The following INTS2 variants were observed in gnomAD, a reference collection of about 807,000 sequenced individuals.
INTS2 encodes the protein KIAA1287.
In INTS2, 57 loss-of-function variants were observed where a neutral mutation model predicts 139.6. The ratio of observed to expected loss-of-function variants is 0.41; its 90% CI spans 0.33 to 0.51. The LOEUF is 0.51. INTS2 is among the 20% of genes least tolerant of loss of function. The pLI, the probability that INTS2 is intolerant of heterozygous loss-of-function variation, is 0.28. For synonymous variants in INTS2, 473 were observed against 493.4 expected, an observed-to-expected ratio of 0.96 and a Z score of 0.55; for missense variants, 1,196 against 1,436.7, an observed-to-expected ratio of 0.83 and a Z score of 2.71.
chr17:61,884,256 C>T (rs1461555017), intron 16 of INTS2, among the ~76,000 whole-genome samples: 1 of 151,886 alleles, frequency 6.6e-6, no homozygotes, highest in East Asian at 1.9e-4. Flanking sequence ...TTTGGGAGGC[C>T]GAGGTGGGCA....
intron 5 of INTS2, among the ~76,000 whole-genome samples, chr17:61,916,206 G>A (rs1275710155): frequency 2.0e-5 from 3 of 152,102 alleles, no homozygotes; most frequent in East Asian, 1.9e-4. Flanking sequence ...AGGCTGAGGC[G>A]GGCAGACCAC....
rs1349446182 is a variant in INTS2 at position 61,878,106 on chromosome 17, C to T, written c.2255-18G>A. 4 of 1,464,134 alleles carry T rather than the reference C, an allele frequency of 2.7e-6. No individual in the cohort carries two copies. The highest frequency in any genetic ancestry group is 1.7e-5 in the Admixed American group (1 of 59,740). The allele number at this position is 1,464,134 out of a possible 1,614,324, so 90.7% of individuals were successfully genotyped here. On this transcript the variant is annotated intron_variant, in intron 17 of 24. Transcript: ENST00000251334. ...TGAAAATGCTAAAAAGAAAATTTAG[C>T]AATCATAACCTAAATTCTGTACAGT...
chr17:61,894,652 G>C (rs1264463442), intron 12 of INTS2, among the ~76,000 whole-genome samples: 2 of 152,112 alleles, frequency 1.3e-5, no homozygotes, highest in East Asian at 3.9e-4. Context: ...AGGAGTTCAA[G>C]ACCAGCCTGG....
At position 61,872,169 on chromosome 17, in the gene INTS2, G is replaced by A. The variant is rs924647305; in HGVS notation, c.2778+96C>T. The stretch of plus-strand genomic sequence containing the variant: ...AAGAAATGCACAATATGTCACCAAT[G>A]TACATGGAGCGCACAATGTGCCATC... On this transcript the variant is annotated intron_variant, in intron 20 of 24. Coordinates refer to ENST00000251334, the MANE Select transcript of INTS2 (RefSeq NM_001351695.2). The surrounding 1 kb of genome is among the most constrained non-coding windows in gnomAD (Gnocchi z 4.8). The A allele has an allele frequency of 1.5e-6, 1 of 650,630 alleles. No individual in the cohort carries two copies. The highest frequency in any genetic ancestry group is 1.8e-5 in the African/African-American group (1 of 56,086). The allele number at this position is 650,630 out of a possible 1,614,324, so 40.3% of individuals were successfully genotyped here.
chr17:61,869,445 A>C lies in INTS2; in HGVS notation c.3031-65T>G. 1 of 1,171,330 alleles carries C rather than the reference A, an allele frequency of 8.5e-7. No individual in the cohort carries two copies. Among genetic ancestry groups the C allele is most frequent in the Non-Finnish European group, 1.2e-6 (1 of 815,194 alleles). The allele number at this position is 1,171,330 out of a possible 1,614,324, so 72.6% of individuals were successfully genotyped here. A position where few individuals can be genotyped will look rare whatever the true frequency, so the allele number is the denominator to read the frequency against. ...TAACTATAAAAGTACAGATAAAAATACAAATGAAAGATTTCATTTCCTTTC... is the reference window on the plus strand; with the variant it reads ...TAACTATAAAAGTACAGATAAAAATCCAAATGAAAGATTTCATTTCCTTTC... On this transcript the variant is annotated intron_variant, in intron 21 of 24. Coordinates refer to ENST00000251334, the MANE Select transcript of INTS2 (RefSeq NM_001351695.2). This position sits in a 1 kb window ranked among gnomAD's most constrained non-coding sequence, Gnocchi z 5.4.
rs560351416 is a variant in INTS2 at position 61,882,448 on chromosome 17, G to A, written c.2090-1277C>T. Among the ~76,000 whole-genome samples, 410 of 152,312 alleles carry A rather than the reference G, an allele frequency of 2.7e-3. 1 individual carries two copies. Among genetic ancestry groups the A allele is most frequent in the Admixed American group, 5.7e-3 (87 of 15,290 alleles). ...TTATGTATAATGTTAATAATGAGAG[G>A]CTGTGTGCGGTGGCTCATGCCTGTA... On this transcript the variant is annotated intron_variant, in intron 16 of 24. Transcript: ENST00000251334. This position sits in a 1 kb window ranked among gnomAD's most constrained non-coding sequence, Gnocchi z 4.7.
Position 61,897,587 on chromosome 17 carries a change from T to C in INTS2, c.1380-4A>G. ...AGAAGCAGAGACGCCTGAAGTACTG[T>C]CAAAACAAAATAGGAAATATGAATT... On this transcript the variant is annotated splice_region_variant and splice_polypyrimidine_tract_variant and intron_variant, in intron 10 of 24. Transcript: ENST00000251334. The surrounding 1 kb of genome is among the most constrained non-coding windows in gnomAD (Gnocchi z 4.4). 6.3e-7 allele frequency: 1 copy of C among 1,594,668 alleles called. No individual in the cohort carries two copies. Among genetic ancestry groups the C allele is most frequent in the Non-Finnish European group, 8.6e-7 (1 of 1,169,242 alleles).
At chr17:61,883,530 G>C (rs1467439858) in intron 16 of INTS2, among the ~76,000 whole-genome samples, 2 of 152,038 alleles carry the variant, frequency 1.3e-5, no homozygotes, top group African/African-American at 4.8e-5. Flanking sequence ...GACGTGGGTG[G>C]ATCACCTGAG....
chr17:61,919,909 T>C (rs2079621679), intron 4 of INTS2, among the ~76,000 whole-genome samples: 1 of 152,126 alleles, frequency 6.6e-6, no homozygotes, highest in Non-Finnish European at 1.5e-5. Context: ...TGACATTTCA[T>C]TGTATTATTA....
chr17:61,872,454 G>T lies in INTS2; in HGVS notation c.2589C>A (p.Pro863=). The change falls in exon 20 of 25, where the codon CCC becomes CCA. Residue 863 remains proline (P), a synonymous_variant. Transcript: ENST00000251334. This position sits in a 1 kb window ranked among gnomAD's most constrained non-coding sequence, Gnocchi z 4.8. ...LRCDQRVHRC[P]PLMDITLHML... ...TGTGTAGGGTAATATCCATCAGTGG[G>T]GGGCATCTAAACAAGGAAAGCAGAA... 1 of 1,562,564 alleles carries T rather than the reference G, an allele frequency of 6.4e-7. No homozygotes were observed. The highest frequency in any genetic ancestry group is 1.2e-5 in the South Asian group (1 of 82,748).
At chr17:61,910,064 A>G (rs1255529407) in intron 7 of INTS2, 2 of 152,186 alleles carry the variant, frequency 1.3e-5, no homozygotes, top group Non-Finnish European at 2.9e-5. Flanking sequence ...TTCAGCCTTT[A>G]AAAAGGAAAT....
At chr17:61,924,917 C>T (rs763655380) in intron 3 of INTS2, 44 bp downstream of exon 3, 4 of 1,584,066 alleles carry the variant, frequency 2.5e-6, no homozygotes, top group Middle Eastern at 1.7e-4. Context: ...TATACATAGA[C>T]ATCAAATCAT....
intron 15 of INTS2, among the ~76,000 whole-genome samples, chr17:61,887,860 C>T (rs926094849): frequency 2.0e-5 from 3 of 151,880 alleles, no homozygotes; most frequent in Non-Finnish European, 2.9e-5. Context: ...CGAGACCAGC[C>T]TGGCCAGTAT....
chr17:61,892,160 T>G (rs1434906965), intron 13 of INTS2, among the ~76,000 whole-genome samples: 1 of 152,110 alleles, frequency 6.6e-6, no homozygotes, highest in Non-Finnish European at 1.5e-5. Context: ...ATGTTGGGGG[T>G]GCATGTGAAC....
rs12949282 is a variant in INTS2, at chr17:61,905,595, G to A, written c.1182-1010C>T. Among the ~76,000 whole-genome samples, 560 of 152,326 alleles carry A rather than the reference G, an allele frequency of 3.7e-3. 1 individual carries two copies. Among genetic ancestry groups the A allele is most frequent in the Non-Finnish European group, 5.6e-3 (380 of 68,032 alleles). On this transcript the variant is annotated intron_variant, in intron 8 of 24. Coordinates refer to ENST00000251334, the MANE Select transcript of INTS2 (RefSeq NM_001351695.2). ...CAAGCCTTGGCCTCCCAGAGCGCTC[G>A]GATTATGGGCGTGAGCCACTGTGCC...
intron 9 of INTS2, 101 bp downstream of exon 9, chr17:61,904,359 A>T: frequency 1.2e-6 from 1 of 830,934 alleles, no homozygotes; most frequent in Non-Finnish European, 1.9e-6. Flanking sequence ...GTCCATACCT[A>T]GACCAGCTTT....
In INTS2 at chr17:61,880,878, A is replaced by T; in HGVS notation, c.2254+129T>A. The T allele has an allele frequency of 8.3e-6, 6 of 726,152 alleles. No homozygotes were observed. The South Asian group carries it at 1.2e-4, about 14-fold the overall frequency. 45.0% of individuals were successfully genotyped at this position (726,152 alleles called of 1,614,324 possible). ...CTTAAACGCAAAGAGTATTTTATAT[A>T]CTTAAAATACATTCACCAAAACATT... On this transcript the variant is annotated intron_variant, in intron 17 of 24. Transcript: ENST00000251334.
In INTS2 at chr17:61,872,665, G is replaced by T. The variant is rs1468821179; in HGVS notation, c.2583-205C>A. On this transcript the variant is annotated intron_variant, in intron 19 of 24. Coordinates refer to ENST00000251334, the MANE Select transcript of INTS2 (RefSeq NM_001351695.2). The surrounding 1 kb of genome is among the most constrained non-coding windows in gnomAD (Gnocchi z 4.8). Reference sequence around the variant, plus strand: ...AGCCCTTATATAAATAGTATTACTTGTTTCATCTTATCAGCTAAAGTCAAA... The same window carrying T: ...AGCCCTTATATAAATAGTATTACTTTTTTCATCTTATCAGCTAAAGTCAAA... Among the ~76,000 whole-genome samples the T allele has an allele frequency of 6.6e-6, 1 of 152,040 alleles. No homozygotes were observed. The highest frequency in any genetic ancestry group is 1.5e-5 in the Non-Finnish European group (1 of 67,992).
intron 2 of INTS2, among the ~76,000 whole-genome samples, chr17:61,925,767 G>A (rs1483078300): frequency 6.6e-6 from 1 of 151,768 alleles, no homozygotes; most frequent in Non-Finnish European, 1.5e-5. Context: ...GCTCACACTT[G>A]TAATCCCAGC....
Sources: gnomAD v4.1 joint callset for allele counts (sites outside exome capture counted in the v4.1 genomes callset) on GRCh38, gnomAD v4.1.1 for gene constraint, Gnocchi (gnomAD v3.1) non-coding constraint, MANE v1.5 for transcripts, NCBI Gene and HGNC (gene_info 2026-07-23, HGNC 2026-07-21) for gene names.